The following TJP1 variants were observed in gnomAD, a reference collection of about 807,000 sequenced individuals.
TJP1 encodes tight junction protein ZO-1.
TJP1 carries 43 observed loss-of-function variants against 194.2 expected under a neutral mutation model. The observed-to-expected ratio is 0.22, with a 90% confidence interval of 0.17 to 0.29. TJP1 has a LOEUF of 0.29. Among genes scored for constraint, TJP1 ranks in the 10% least tolerant of loss-of-function variants. The pLI is 1.00. For synonymous variants in TJP1, 801 were observed against 779.0 expected, an observed-to-expected ratio of 1.03 and a Z score of -0.47; for missense variants, 1,971 against 2,185.7, an observed-to-expected ratio of 0.90 and a Z score of 1.96.
At chr15:29,768,778 A>G (rs1339433880) in intron 4 of TJP1, among the ~76,000 whole-genome samples, 1 of 152,236 alleles carries the variant, frequency 6.6e-6, no homozygotes, top group Non-Finnish European at 1.5e-5. Context: ...AATAATTAGT[A>G]GGTGTGACAA....
chr15:29,873,224 G>A (rs756751081), intron 2 of TJP1, among the ~76,000 whole-genome samples: 5 of 152,140 alleles, frequency 3.3e-5, no homozygotes, highest in South Asian at 4.1e-4. Flanking sequence ...TTTGAGGTCC[G>A]TTTAGCAAAA....
chr15:29,777,707 C>T (rs1444039210), intron 2 of TJP1, among the ~76,000 whole-genome samples: 1 of 24,528 alleles, frequency 4.1e-5, no homozygotes. Flanking sequence ...AACAAAACTA[C>T]AAATGTACTA....
chr15:29,721,323 C>T (rs950415039), intron 18 of TJP1, among the ~76,000 whole-genome samples: 1 of 152,132 alleles, frequency 6.6e-6, no homozygotes, highest in African/African-American at 2.4e-5. Flanking sequence ...CTCCCTCACA[C>T]AGTCTTGTGA....
chr15:29,734,944 T>G (rs1266252030), intron 11 of TJP1, among the ~76,000 whole-genome samples: 2 of 152,094 alleles, frequency 1.3e-5, no homozygotes, highest in African/African-American at 4.8e-5. Context: ...TGTGTAAAAT[T>G]TAACCAGTTT....
chr15:29,820,843 A>G (rs1466926061), intron 1 of TJP1, among the ~76,000 whole-genome samples: 2 of 152,228 alleles, frequency 1.3e-5, no homozygotes, highest in African/African-American at 4.8e-5. Context: ...GAAGAATACT[A>G]TATCCCTTAA....
rs766721435 is a variant in TJP1, at chr15:29,719,887, T to C, written c.2893A>G (p.Thr965Ala). The change falls in exon 20 of 28, where the codon ACC (threonine) becomes GCC (alanine). Residue 965 changes from threonine (T) to alanine (A), a missense_variant. By Grantham distance (58) the Thr-to-Ala change is moderately conservative (BLOSUM62 0). This residue lies in a region of TJP1 where 1,108 missense variants were observed against 1,128.5 expected (regional missense o/e 0.98). Transcript: ENST00000614355. ...GAATCAGCTTGTGGTGAGTAAGAGG[T>C]GGAAGGAGCTGGGGTGGGCTCCTCC... is the stretch of plus-strand genomic sequence containing the variant. ...RLEEPTPAPS[T>A]SYSPQADSLR... is the part of the protein sequence containing the mutation. 1.5e-5 allele frequency: 24 copies of C among 1,613,882 alleles called. No individual in the cohort carries two copies. The highest frequency in any genetic ancestry group is 1.9e-5 in the Non-Finnish European group (23 of 1,179,996).
At chr15:29,792,884 TAA>T (rs2048182733) in intron 2 of TJP1, among the ~76,000 whole-genome samples, 1 of 152,238 alleles carries the variant, frequency 6.6e-6, no homozygotes, top group African/African-American at 2.4e-5. Flanking sequence ...CTATTGGAAA[TAA>T]GATTATTTTC....
chr15:29,903,116 G>A (rs2053685982), intron 2 of TJP1, among the ~76,000 whole-genome samples: 4 of 152,064 alleles, frequency 2.6e-5, no homozygotes, highest in Admixed American at 1.3e-4. Context: ...CAGGCTCCCT[G>A]TCTCACCCAC....
At chr15:29,955,326 T>C (rs1321008550) in intron 2 of TJP1, among the ~76,000 whole-genome samples, 5 of 152,104 alleles carry the variant, frequency 3.3e-5, no homozygotes, top group African/African-American at 1.2e-4. Flanking sequence ...GATACACCAA[T>C]TGAAATAAAA....
rs546456569 is a variant in TJP1 at position 29,944,253 on chromosome 15, C to T, written c.306+11979G>A. On this transcript the variant is annotated intron_variant, in intron 2 of 28. Coordinates refer to the TJP1 transcript ENST00000356107. ...GATTACAGGCGCCCGCCACCACACCCGGCTAATTTTTTTTTGTATTTTTAG... is the reference window on the plus strand; with the variant it reads ...GATTACAGGCGCCCGCCACCACACCTGGCTAATTTTTTTTTGTATTTTTAG... Among the ~76,000 whole-genome samples, 683 of 151,852 alleles carry T rather than the reference C, an allele frequency of 4.5e-3. 7 individuals are homozygous for T. Among genetic ancestry groups the T allele is most frequent in the Middle Eastern group, 0.034 (10 of 292 alleles).
intron 2 of TJP1, among the ~76,000 whole-genome samples, chr15:29,944,085 T>C (rs1373641645): frequency 2.0e-5 from 3 of 151,826 alleles, no homozygotes; most frequent in East Asian, 3.9e-4. Context: ...TATTTATTTA[T>C]TTATTTATTT....
intron 1 of TJP1, chr15:29,968,628 T>TAGCCCGGCTGGGGCTCCGCGCCC: frequency 3.0e-6 from 3 of 994,954 alleles, no homozygotes; most frequent in Non-Finnish European, 3.6e-6. Flanking sequence ...GCTCCGCGCC[T>TAGCCCGGCTGGGGCTCCGCGCCC]AGCCCGGCTG....
At chr15:29,863,989 T>C (rs1269180580) in intron 2 of TJP1, among the ~76,000 whole-genome samples, 1 of 152,130 alleles carries the variant, frequency 6.6e-6, no homozygotes, top group Admixed American at 6.5e-5. Flanking sequence ...TTTTAAACCA[T>C]AGGCTTCAAC....
At chr15:29,845,589 A>T (rs2051375923) in intron 2 of TJP1, among the ~76,000 whole-genome samples, 1 of 152,156 alleles carries the variant, frequency 6.6e-6, no homozygotes, top group Non-Finnish European at 1.5e-5. Flanking sequence ...GCAGATCACG[A>T]GGGCAAGAGA....
intron 2 of TJP1, among the ~76,000 whole-genome samples, chr15:29,912,437 T>C (rs937917210): frequency 6.6e-6 from 1 of 151,988 alleles, no homozygotes; most frequent in African/African-American, 2.4e-5. Context: ...GGGCCGGGCG[T>C]GGTGGCTCAC....
chr15:29,896,143 G>C (rs2053469901), intron 2 of TJP1, among the ~76,000 whole-genome samples: 2 of 152,104 alleles, frequency 1.3e-5, no homozygotes, highest in African/African-American at 4.8e-5. Flanking sequence ...ATATGGTTTG[G>C]CTGTGTTCTC....
intron 2 of TJP1, among the ~76,000 whole-genome samples, chr15:29,877,466 C>A (rs1567158286): frequency 6.6e-6 from 1 of 152,048 alleles, no homozygotes; most frequent in Non-Finnish European, 1.5e-5. Context: ...ATCTTCCCCA[C>A]CGCCTTGGCC....
chr15:29,808,732 T>C (rs553852627), intron 1 of TJP1, among the ~76,000 whole-genome samples: 1 of 152,280 alleles, frequency 6.6e-6, no homozygotes, highest in East Asian at 1.9e-4. Context: ...GAAGGAGAGT[T>C]TCTTTTTTTA....
At chr15:29,769,408 G>T (rs2046515317) in intron 4 of TJP1, among the ~76,000 whole-genome samples, 1 of 152,102 alleles carries the variant, frequency 6.6e-6, no homozygotes, top group South Asian at 2.1e-4. Context: ...AGTCATTCAG[G>T]CCCTTTGACT....
Sources: allele counts gnomAD v4.1 joint callset (sites outside exome capture counted in the v4.1 genomes callset), GRCh38; gene constraint gnomAD v4.1.1; regional missense constraint gnomAD v4.1.1; transcripts MANE v1.5; gene names NCBI Gene and HGNC (gene_info 2026-07-23, HGNC 2026-07-21).